AP4E1: variants seen among roughly 807,000 people sequenced by gnomAD.
AP4E1 encodes the protein AP-4 complex subunit epsilon-1.
A neutral mutation model predicts 128.2 loss-of-function variants in AP4E1; 56 were observed. The observed-to-expected ratio is 0.44, with a 90% confidence interval of 0.35 to 0.55. The LOEUF (loss-of-function observed/expected upper bound fraction) is 0.55. AP4E1 is among the 20% of genes least tolerant of loss of function. The probability of loss-of-function intolerance (pLI) is 0.00; values close to 1 mark genes in which losing one functional copy is unlikely to be tolerated. For missense variants in AP4E1, 1,324 were observed against 1,307.7 expected (o/e 1.01, Z -0.19); for synonymous variants, 484 against 473.1 (o/e 1.02, Z -0.30).
At chr15:50,969,213 T>C (rs936187828) in intron 15 of AP4E1, among the ~76,000 whole-genome samples, 1 of 152,170 alleles carries the variant, frequency 6.6e-6, no homozygotes, top group Admixed American at 6.5e-5. Flanking sequence ...TATGTGTCCA[T>C]GTGTTTTCAT....
At chr15:50,943,566 G>C (rs2064016444) in intron 10 of AP4E1, among the ~76,000 whole-genome samples, 1 of 152,090 alleles carries the variant, frequency 6.6e-6, no homozygotes. Flanking sequence ...CAGCCGTTCT[G>C]CTTTAACAGA....
intron 15 of AP4E1, among the ~76,000 whole-genome samples, chr15:50,971,552 T>A (rs948208845): frequency 1.3e-5 from 2 of 152,156 alleles, no homozygotes; most frequent in East Asian, 3.8e-4. Flanking sequence ...TTCCCTTCTC[T>A]TCTCCTTCTG....
intron 5 of AP4E1, 36 bp from the exon 6 acceptor site, chr15:50,928,973 A>C: frequency 6.2e-7 from 1 of 1,606,650 alleles, no homozygotes; most frequent in Non-Finnish European, 8.5e-7. Context: ...TTGAGAATTC[A>C]GATTGTCTTG....
intron 16 of AP4E1, among the ~76,000 whole-genome samples, chr15:50,985,349 A>G (rs146318938): frequency 6.6e-6 from 1 of 152,082 alleles, no homozygotes; most frequent in African/African-American, 2.4e-5. Flanking sequence ...TTTTGTTGCC[A>G]TTGCTTTTGG....
At chr15:50,967,110 G>C (rs1276880847) in intron 14 of AP4E1, among the ~76,000 whole-genome samples, 1 of 151,830 alleles carries the variant, frequency 6.6e-6, no homozygotes, top group African/African-American at 2.4e-5. Flanking sequence ...CGCTTTTCCT[G>C]GTGAAATTAA....
chr15:50,986,103 C>T (rs1954818107), intron 16 of AP4E1, among the ~76,000 whole-genome samples: 1 of 152,120 alleles, frequency 6.6e-6, no homozygotes, highest in African/African-American at 2.4e-5. Flanking sequence ...CATGATTTGG[C>T]TCTCTGTCTG....
At chr15:50,974,266 ATTTT>A (rs958466492) in intron 15 of AP4E1, among the ~76,000 whole-genome samples, 1 of 112,572 alleles carries the variant, frequency 8.9e-6, no homozygotes, top group Non-Finnish European at 1.9e-5. Context: ...GTGCCCGGCC[ATTTT>A]TTTTTTTTTT....
At chr15:50,947,887 CTGTTA>C in intron 10 of AP4E1, 128 bp from the exon 11 acceptor site, 1 of 702,162 alleles carries the variant, frequency 1.4e-6, no homozygotes, top group Non-Finnish European at 2.3e-6. Context: ...CATTTCTTAC[CTGTTA>C]ACTGACTACC....
chr15:50,972,317 T>C (rs1410516067), intron 15 of AP4E1, among the ~76,000 whole-genome samples: 1 of 152,136 alleles, frequency 6.6e-6, no homozygotes, highest in Non-Finnish European at 1.5e-5. Context: ...GTTCAAGCAA[T>C]TCTCCCATCT....
At chr15:50,995,830 A>C (rs1042497136) in intron 17 of AP4E1, among the ~76,000 whole-genome samples, 1 of 151,918 alleles carries the variant, frequency 6.6e-6, no homozygotes. Context: ...GCAGAAGAAA[A>C]GATCATTAAA....
At chr15:50,968,715 C>T (rs2064430997) in intron 15 of AP4E1, among the ~76,000 whole-genome samples, 1 of 152,182 alleles carries the variant, frequency 6.6e-6, no homozygotes, top group African/African-American at 2.4e-5. Context: ...GCAACCTCTG[C>T]CTCCCAGGCT....
chr15:50,930,732 A>G, intron 6 of AP4E1, 73 bp from the exon 7 acceptor site: 1 of 1,438,374 alleles, frequency 7.0e-7, no homozygotes, highest in South Asian at 1.2e-5. Context: ...CAGGTTCTAT[A>G]TGACATTTCA....
At chr15:50,911,166 A>C (rs1445456316) in intron 1 of AP4E1, among the ~76,000 whole-genome samples, 2 of 152,176 alleles carry the variant, frequency 1.3e-5, no homozygotes, top group Non-Finnish European at 2.9e-5. Context: ...TGTAATTTAA[A>C]GGTAGCATGA....
At chr15:50,998,032 G>T in intron 18 of AP4E1, 149 bp downstream of exon 18, 1 of 636,856 alleles carries the variant, frequency 1.6e-6, no homozygotes, top group Non-Finnish European at 2.6e-6. Context: ...AAGGAGTAAG[G>T]ATATTGAAGA....
Position 50,945,039 on chromosome 15 carries a change from G to A in AP4E1, c.1177-2981G>A, listed in dbSNP as rs557777643. 11 of 776,696 alleles carry A rather than the reference G, an allele frequency of 1.4e-5. No homozygotes were observed. In the Admixed American group the frequency reaches 1.6e-4, roughly 11 times the overall value. 48.1% of individuals were successfully genotyped at this position (776,696 alleles called of 1,614,324 possible). On this transcript the variant is annotated intron_variant, in intron 10 of 20. Coordinates refer to ENST00000261842, the MANE Select transcript of AP4E1 (RefSeq NM_007347.5). ...CTTTTGTGGGACTTCTTTTTTCACC[G>A]TTGGTGGTGACAAAACTGTGAAACA... is the stretch of plus-strand genomic sequence containing the variant.
rs1041184312 is a variant in AP4E1 at position 50,989,108 on chromosome 15, G to A, written c.2091-4262G>A. 1.3e-4 allele frequency among the ~76,000 whole-genome samples: 20 copies of A among 152,296 alleles called. No homozygotes were observed. In the East Asian group the frequency reaches 3.7e-3, roughly 28 times the overall value. On this transcript the variant is annotated intron_variant, in intron 16 of 20. Transcript: ENST00000261842. ...ATTGTCTTCATTACCCAAGAGGTGA[G>A]TTTACCAGATAATATTTGTGATCAA...
In AP4E1 at chr15:50,948,249, G is replaced by A. The variant is rs115379500; in HGVS notation, c.1316+90G>A. On this transcript the variant is annotated intron_variant, in intron 11 of 20. Coordinates refer to ENST00000261842, the MANE Select transcript of AP4E1 (RefSeq NM_007347.5). ...GTATAGATATGGTCACTTGCAAGTC[G>A]AGTTCAGAGACCTAGCAATACTTTT... The A allele has an allele frequency of 9.3e-4, 1,378 of 1,479,436 alleles. 13 individuals are homozygous for A. In the African/African-American group the frequency reaches 0.017, roughly 18 times the overall value. The allele number at this position is 1,479,436 out of a possible 1,614,324, so 91.6% of individuals were successfully genotyped here. A position where few individuals can be genotyped will look rare whatever the true frequency, so the allele number is the denominator to read the frequency against.
At chr15:50,976,818 G>T (rs934995705) in intron 15 of AP4E1, among the ~76,000 whole-genome samples, 1 of 152,166 alleles carries the variant, frequency 6.6e-6, no homozygotes, top group Non-Finnish European at 1.5e-5. Context: ...ACTGAAGCAA[G>T]TGAGAAAGTT....
At chr15:50,909,580 T>A (rs1156611484) in intron 1 of AP4E1, among the ~76,000 whole-genome samples, 1 of 152,386 alleles carries the variant, frequency 6.6e-6, no homozygotes, top group African/African-American at 2.4e-5. Context: ...CTTAAACTTT[T>A]AAAATTTTTA....
Sources: gnomAD v4.1 joint callset for allele counts (sites outside exome capture counted in the v4.1 genomes callset) on GRCh38, gnomAD v4.1.1 for gene constraint, MANE v1.5 for transcripts, NCBI Gene and HGNC (gene_info 2026-07-23, HGNC 2026-07-21) for gene names.